Variants in OSBPL3 observed in about 807,000 individuals in gnomAD.
OSBPL3 encodes the protein oxysterol binding protein like 3.
A neutral mutation model predicts 120.1 loss-of-function variants in OSBPL3; 65 were observed. That is an observed-to-expected ratio of 0.54 (90% CI 0.44 to 0.67). The LOEUF is 0.67. Among genes scored for constraint, OSBPL3 ranks in the 30% least tolerant of loss-of-function variants. The pLI is 0.00. For synonymous variants in OSBPL3, 416 were observed against 402.6 expected (o/e 1.03, Z -0.40); for missense variants, 1,004 against 1,082.1 (o/e 0.93, Z 1.01).
chr7:24,819,158 CAGG>C lies in OSBPL3; in HGVS notation c.1948+1014_1948+1016del, dbSNP rs1794817180. ...GTCCCAGCTACTCGGGAGGCTGAGACAGGAGAATCACTTGAACACGGGAGACGG... is the reference window on the plus strand; with the variant it reads ...GTCCCAGCTACTCGGGAGGCTGAGACAGAATCACTTGAACACGGGAGACGG... On this transcript the variant is annotated intron_variant, in intron 17 of 22. Coordinates refer to ENST00000313367, the MANE Select transcript of OSBPL3 (RefSeq NM_015550.4). This position sits in a 1 kb window ranked among gnomAD's most constrained non-coding sequence, Gnocchi z 4.1. Among the ~76,000 whole-genome samples, 3 of 149,498 alleles carry C rather than the reference CAGG, an allele frequency of 2.0e-5. No individual in the cohort carries two copies. The South Asian group carries it at 6.3e-4, about 31-fold the overall frequency.
rs2128376548 is a variant in OSBPL3, at chr7:24,900,805, C to CA, written c.-149-8185dup. ...CAACAAGGCGAAACCCCCATCTTTA[C>CA]AAAAAATATTAGGTTGGTGTGAAAG... On this transcript the variant is annotated intron_variant, in intron 1 of 22. Coordinates refer to ENST00000313367, the MANE Select transcript of OSBPL3 (RefSeq NM_015550.4). This position sits in a 1 kb window ranked among gnomAD's most constrained non-coding sequence, Gnocchi z 4.5. Among the ~76,000 whole-genome samples the CA allele has an allele frequency of 6.6e-6, 1 of 152,110 alleles. No homozygotes were observed. Among genetic ancestry groups the CA allele is most frequent in the Admixed American group, 6.5e-5 (1 of 15,278 alleles).
rs556349802 is a variant in OSBPL3 at position 24,827,596 on chromosome 7, T to A, written c.1884+3172A>T. Reference sequence around the variant, plus strand: ...ACTGGACAATGCTTTCTGATCCCCATAGCAGGTCTATTTTTCACAGTAAAT... The same window carrying A: ...ACTGGACAATGCTTTCTGATCCCCAAAGCAGGTCTATTTTTCACAGTAAAT... On this transcript the variant is annotated intron_variant, in intron 16 of 22. Coordinates refer to ENST00000313367, the MANE Select transcript of OSBPL3 (RefSeq NM_015550.4). This position sits in a 1 kb window ranked among gnomAD's most constrained non-coding sequence, Gnocchi z 5.1. 6.6e-5 allele frequency among the ~76,000 whole-genome samples: 10 copies of A among 152,358 alleles called. No individual in the cohort carries two copies. Among genetic ancestry groups the A allele is most frequent in the African/African-American group, 2.4e-4 (10 of 41,584 alleles).
At chr7:24,861,902 G>C (rs1270403827) in intron 9 of OSBPL3, 133 bp from the exon 10 acceptor site, 17 of 521,166 alleles carry the variant, frequency 3.3e-5, no homozygotes, top group South Asian at 6.2e-5. Flanking sequence ...TTTTTTTTTG[G>C]GGGGGATGGA....
intron 1 of OSBPL3, among the ~76,000 whole-genome samples, chr7:24,973,191 A>T (rs1817219201): frequency 6.6e-6 from 1 of 152,188 alleles, no homozygotes; most frequent in Non-Finnish European, 1.5e-5. Flanking sequence ...CACAGATGAA[A>T]ATTCCACTAA....
At chr7:24,889,548 T>C (rs1562888966) in intron 2 of OSBPL3, among the ~76,000 whole-genome samples, 1 of 152,098 alleles carries the variant, frequency 6.6e-6, no homozygotes, top group Non-Finnish European at 1.5e-5. Context: ...CATCACATTA[T>C]ACACCATAAA....
rs930850177 is a variant in OSBPL3, at chr7:24,827,264, C to G, written c.1884+3504G>C. On this transcript the variant is annotated intron_variant, in intron 16 of 22. Coordinates refer to ENST00000313367, the MANE Select transcript of OSBPL3 (RefSeq NM_015550.4). This position sits in a 1 kb window ranked among gnomAD's most constrained non-coding sequence, Gnocchi z 5.1. ...TGCTGTCTCCATCAAGGTAGACTGT[C>G]TCCTGGGCTGGAGGCAGAAAGAGCC... Among the ~76,000 whole-genome samples the G allele has an allele frequency of 6.6e-6, 1 of 152,224 alleles. No individual in the cohort carries two copies. The highest frequency in any genetic ancestry group is 1.5e-5 in the Non-Finnish European group (1 of 68,038).
intron 12 of OSBPL3, 122 bp from the exon 13 acceptor site, chr7:24,842,535 A>G (rs1044617322): frequency 9.4e-6 from 7 of 746,008 alleles, no homozygotes; most frequent in Non-Finnish European, 1.5e-5. Flanking sequence ...AACTCAAAGC[A>G]GAAGTCAGCT....
intron 18 of OSBPL3, among the ~76,000 whole-genome samples, chr7:24,816,054 C>T (rs1584225159): frequency 6.6e-6 from 1 of 152,158 alleles, no homozygotes; most frequent in African/African-American, 2.4e-5. Flanking sequence ...GATAGGGTCT[C>T]ACCCCTTCAC....
intron 1 of OSBPL3, among the ~76,000 whole-genome samples, chr7:24,904,851 G>A (rs144591147): frequency 6.6e-6 from 1 of 151,916 alleles, no homozygotes; most frequent in East Asian, 1.9e-4. Context: ...GCTGGGGGGA[G>A]GGGAGAATAC....
At chr7:24,917,427 TTTGTAAC>T (rs1229679867) in intron 1 of OSBPL3, among the ~76,000 whole-genome samples, 41 of 130,880 alleles carry the variant, frequency 3.1e-4, no homozygotes, top group South Asian at 4.8e-4. Context: ...TATATATATA[TTTGTAAC>T]ATATATATAT....
chr7:24,863,189 G>A lies in OSBPL3; in HGVS notation c.870+11C>T, dbSNP rs1800817785. On this transcript the variant is annotated intron_variant, in intron 9 of 22. Transcript: ENST00000313367. This position sits in a 1 kb window ranked among gnomAD's most constrained non-coding sequence, Gnocchi z 5.8. ...TGAAGAAACCAGTCTGTCAGGGGAAGCAATGGTTACCTGCAGTGTTCCTTT... is the reference window on the plus strand; with the variant it reads ...TGAAGAAACCAGTCTGTCAGGGGAAACAATGGTTACCTGCAGTGTTCCTTT... 3.1e-6 allele frequency: 5 copies of A among 1,598,240 alleles called. No homozygotes were observed. Among genetic ancestry groups the A allele is most frequent in the Non-Finnish European group, 4.3e-6 (5 of 1,165,546 alleles).
At chr7:24,893,335 A>G (rs146604457) in intron 1 of OSBPL3, among the ~76,000 whole-genome samples, 17 of 152,368 alleles carry the variant, frequency 1.1e-4, no homozygotes, top group Admixed American at 1.3e-4. Context: ...ACATCAATGA[A>G]CCTTGACAAC....
Position 24,821,809 on chromosome 7 carries a change from T to C in OSBPL3, c.1885-1571A>G, listed in dbSNP as rs886934850. On this transcript the variant is annotated intron_variant, in intron 16 of 22. Transcript: ENST00000313367. The surrounding 1 kb of genome is among the most constrained non-coding windows in gnomAD (Gnocchi z 5.5). ...TGCCTGTGGGATTTTCAAGGGCAAC[T>C]TTCACTTCAAGCACTGACTTAGAAA... is the stretch of plus-strand genomic sequence containing the variant. Among the ~76,000 whole-genome samples, 1 of 152,230 alleles carries C rather than the reference T, an allele frequency of 6.6e-6. No individual in the cohort carries two copies. The highest frequency in any genetic ancestry group is 1.5e-5 in the Non-Finnish European group (1 of 68,036).
In OSBPL3 at chr7:24,840,705, CATT is replaced by C; in HGVS notation, c.1477_1479del (p.Asn493del). ...TAAATCTTACCCAAGGTCTGTCTCT[CATT>C]ATCTAAATCATTACTGAGATTATCT... On this transcript the variant is annotated inframe_deletion, in exon 14 of 23. Transcript: ENST00000313367. The C allele has an allele frequency of 2.8e-6, 4 of 1,410,366 alleles. No individual in the cohort carries two copies. The highest frequency in any genetic ancestry group is 3.9e-6 in the Non-Finnish European group (4 of 1,022,066). The allele number at this position is 1,410,366 out of a possible 1,614,324, so 87.4% of individuals were successfully genotyped here.
chr7:24,901,190 A>G (rs957631599), intron 1 of OSBPL3, among the ~76,000 whole-genome samples: 1 of 151,738 alleles, frequency 6.6e-6, no homozygotes, highest in African/African-American at 2.4e-5. Context: ...AGCCGGGCAC[A>G]GTGGCAGGCG....
chr7:24,858,390 T>G (rs1800094587), intron 10 of OSBPL3, among the ~76,000 whole-genome samples: 1 of 152,178 alleles, frequency 6.6e-6, no homozygotes, highest in Non-Finnish European at 1.5e-5. Flanking sequence ...TGCTTCGAGT[T>G]TGAATGTATG....
chr7:24,834,804 G>T lies in OSBPL3; in HGVS notation c.1496-68C>A. On this transcript the variant is annotated intron_variant, in intron 14 of 22. Coordinates refer to ENST00000313367, the MANE Select transcript of OSBPL3 (RefSeq NM_015550.4). This position sits in a 1 kb window ranked among gnomAD's most constrained non-coding sequence, Gnocchi z 5.2. ...TTTTATTCTATTATTTTTAATCCACGAATAAAACCTTACGTAGCAAGTAGT... is the reference window on the plus strand; with the variant it reads ...TTTTATTCTATTATTTTTAATCCACTAATAAAACCTTACGTAGCAAGTAGT... 7.2e-7 allele frequency: 1 copy of T among 1,380,742 alleles called. No individual in the cohort carries two copies. The highest frequency in any genetic ancestry group is 9.7e-7 in the Non-Finnish European group (1 of 1,028,978). The allele number at this position is 1,380,742 out of a possible 1,614,324, so 85.5% of individuals were successfully genotyped here.
chr7:24,882,971 T>C (rs2128313959), intron 2 of OSBPL3, among the ~76,000 whole-genome samples: 1 of 152,354 alleles, frequency 6.6e-6, no homozygotes, highest in South Asian at 2.1e-4. Context: ...ATATTCTGGA[T>C]ATTAGTTCCC....
chr7:24,863,566 A>G lies in OSBPL3; in HGVS notation c.707T>C (p.Met236Thr). 1 of 1,614,114 alleles carries G rather than the reference A, an allele frequency of 6.2e-7. No homozygotes were observed. The highest frequency in any genetic ancestry group is 8.5e-7 in the Non-Finnish European group (1 of 1,179,966). Residue 236 changes from methionine to threonine, a missense_variant, in exon 8 of 23, where the codon ATG (methionine) becomes ACG (threonine). By Grantham distance (81) the Met-to-Thr change is moderately conservative (BLOSUM62 -1). Transcript: ENST00000313367. The surrounding 1 kb of genome is among the most constrained non-coding windows in gnomAD (Gnocchi z 5.8). ...GTCCATGCTTTGCAGGAGCTGGCTC[A>G]TTTCTACCAGGTAGGCATGACAGTG... The part of the protein sequence containing the change: ...LAHCHAYLVE[M>T]SQLLQSMDVL...
Sources: allele counts gnomAD v4.1 joint callset (sites outside exome capture counted in the v4.1 genomes callset), GRCh38; gene constraint gnomAD v4.1.1; non-coding constraint Gnocchi (gnomAD v3.1); transcripts MANE v1.5; gene names NCBI Gene and HGNC (gene_info 2026-07-23, HGNC 2026-07-21).